Variants in ELP2 observed in about 807,000 individuals in gnomAD.
The protein encoded by ELP2 is elongator acetyltransferase complex subunit 2.
ELP2 carries 90 observed loss-of-function variants against 119.2 expected under a neutral mutation model. The ratio of observed to expected loss-of-function variants is 0.75; its 90% CI spans 0.64 to 0.90. The LOEUF is 0.90. Among genes scored for constraint, ELP2 ranks in the 40% least tolerant of loss-of-function variants. The probability of loss-of-function intolerance (pLI) is 0.00; values close to 1 mark genes in which losing one functional copy is unlikely to be tolerated. For missense variants in ELP2, 921 were observed against 967.8 expected, an observed-to-expected ratio of 0.95 and a Z score of 0.64; for synonymous variants, 339 against 331.0, an observed-to-expected ratio of 1.02 and a Z score of -0.26.
chr18:36,144,702 T>C (rs982613140), intron 8 of ELP2, among the ~76,000 whole-genome samples: 9 of 152,232 alleles, frequency 5.9e-5, no homozygotes, highest in Non-Finnish European at 5.9e-5. Context: ...TTCCTTCATA[T>C]TTATTTATGA....
chr18:36,133,130 A>C, intron 1 of ELP2, 108 bp from the exon 2 acceptor site: 1 of 780,044 alleles, frequency 1.3e-6, no homozygotes, highest in Non-Finnish European at 2.2e-6. Flanking sequence ...TTTGATGTAA[A>C]CCTGATCTTT....
At chr18:36,170,741 A>G in intron 20 of ELP2, 1 of 421,664 alleles carries the variant, frequency 2.4e-6, no homozygotes. Flanking sequence ...CACCAAATCT[A>G]GGACTATAAT....
In ELP2 at chr18:36,146,037, T is replaced by A; in HGVS notation, c.982T>A (p.Trp328Arg). 4 of 1,613,912 alleles carry A rather than the reference T, an allele frequency of 2.5e-6. No homozygotes were observed. Among genetic ancestry groups the A allele is most frequent in the Non-Finnish European group, 3.4e-6 (4 of 1,179,812 alleles). ...LWAPDEESGV[W>R]LEQVRVGEVG... is the part of the protein sequence containing the mutation. ...GGCTCCAGATGAAGAGTCAGGAGTT[T>A]GGCTAGAACAGGTAAAAATGTTGGA... is the stretch of plus-strand genomic sequence containing the variant. The change falls in exon 10 of 22, where the codon TGG becomes AGG. Residue 328 changes from tryptophan to arginine, a missense_variant. Transcript: ENST00000358232.
rs1227561334 is a variant in ELP2, at chr18:36,160,989, TG to T, written c.1747del (p.Ala583ProfsTer28). 1 of 1,613,410 alleles carries T rather than the reference TG, an allele frequency of 6.2e-7. No individual in the cohort carries two copies. The highest frequency in any genetic ancestry group is 1.7e-5 in the Admixed American group (1 of 59,982). ...VTCNSSKTLL[A>X]SACKAAKKEH... ...CTTGTAACAGTTCAAAGACTCTGCT[TG>T]CCTCAGCTTGTAAGGTAGGGAAGTT... On this transcript the variant is annotated frameshift_variant, in exon 17 of 22. Transcript: ENST00000358232. LOFTEE classifies it high-confidence loss of function.
At chr18:36,152,213 C>G (rs1779436335) in intron 11 of ELP2, among the ~76,000 whole-genome samples, 1 of 150,170 alleles carries the variant, frequency 6.7e-6, no homozygotes, top group African/African-American at 2.4e-5. Flanking sequence ...AAAAAAACAA[C>G]AAAGATCTTT....
At chr18:36,140,963 G>A (rs1036230265) in intron 5 of ELP2, among the ~76,000 whole-genome samples, 174 bp from the exon 6 acceptor site, 22 of 152,200 alleles carry the variant, frequency 1.4e-4, no homozygotes, top group Admixed American at 9.2e-4. Context: ...GAACGTTTTA[G>A]AGTGTTCATT....
chr18:36,158,906 TA>T lies in ELP2; in HGVS notation c.1534+4del, dbSNP rs1258038378. On this transcript the variant is annotated splice_donor_region_variant and intron_variant, in intron 14 of 21. Transcript: ENST00000358232. ...TATCAAATAAAGCTGTCTTTCAGGGTAAGGCTTTTGTCTTCAAAATTATTAA... is the reference window on the plus strand; with the variant it reads ...TATCAAATAAAGCTGTCTTTCAGGGTAGGCTTTTGTCTTCAAAATTATTAA... The T allele has an allele frequency of 1.9e-6, 3 of 1,607,064 alleles. No homozygotes were observed. The highest frequency in any genetic ancestry group is 2.7e-5 in the African/African-American group (2 of 74,780).
intron 20 of ELP2, among the ~76,000 whole-genome samples, chr18:36,170,686 G>T (rs550987572): frequency 2.0e-5 from 3 of 152,308 alleles, no homozygotes; most frequent in Admixed American, 1.3e-4. Flanking sequence ...TAATGATTCA[G>T]AATGTAAAAT....
intron 12 of ELP2, 105 bp from the exon 13 acceptor site, chr18:36,156,361 C>T (rs927011303): frequency 1.8e-6 from 2 of 1,108,296 alleles, no homozygotes; most frequent in Non-Finnish European, 2.7e-6. Context: ...AATATTTGCC[C>T]CATGGTTATA....
At chr18:36,132,658 G>A (rs1425152750) in intron 1 of ELP2, among the ~76,000 whole-genome samples, 4 of 152,158 alleles carry the variant, frequency 2.6e-5, no homozygotes, top group Admixed American at 2.6e-4. Context: ...GGAGAACCTG[G>A]CAATAGGCCC....
chr18:36,176,299 G>A lies in ELP2; in HGVS notation c.*1658G>A, dbSNP rs1332326454. ...GTCAGCTGGGGGGTGGGGTGTGTGT[G>A]CGTGTATACCAAGGCAGTGAGCATC... On this transcript the variant is annotated 3_prime_UTR_variant, in exon 22 of 22. Transcript: ENST00000358232. The A allele has an allele frequency of 6.6e-6, 1 of 152,262 alleles. No individual in the cohort carries two copies. Among genetic ancestry groups the A allele is most frequent in the Non-Finnish European group, 1.5e-5 (1 of 68,084 alleles). The allele number at this position is 152,262 out of a possible 1,614,324, so 9.4% of individuals were successfully genotyped here. A position where few individuals can be genotyped will look rare whatever the true frequency, so the allele number is the denominator to read the frequency against.
Position 36,160,578 on chromosome 18 carries a change from G to GAA in ELP2, c.1689-341_1689-340dup, listed in dbSNP as rs34625725. On this transcript the variant is annotated intron_variant, in intron 16 of 21. Coordinates refer to ENST00000358232, the MANE Select transcript of ELP2 (RefSeq NM_018255.4). ...GGGTGACAGAATGAGACCTTGCCTT[G>GAA]AAAAAAAAAAAAAAGACTTAAGTTT... Among the ~76,000 whole-genome samples, 364 of 141,780 alleles carry GAA rather than the reference G, an allele frequency of 2.6e-3. 1 individual carries two copies. The highest frequency in any genetic ancestry group is 7.0e-3 in the African/African-American group (270 of 38,356). The allele number at this position is 141,780 out of a possible 152,430, so 93.0% of individuals were successfully genotyped here. A position where few individuals can be genotyped will look rare whatever the true frequency, so the allele number is the denominator to read the frequency against.
chr18:36,155,803 G>C (rs1237895216), intron 12 of ELP2, among the ~76,000 whole-genome samples: 1 of 152,194 alleles, frequency 6.6e-6, no homozygotes, highest in South Asian at 2.1e-4. Flanking sequence ...ATTATCAAGT[G>C]TACAATAAAA....
In ELP2 at chr18:36,170,150, G is replaced by A. The variant is rs773442118; in HGVS notation, c.2164G>A (p.Ala722Thr). The A allele has an allele frequency of 6.2e-7, 1 of 1,614,070 alleles. No individual in the cohort carries two copies. The highest frequency in any genetic ancestry group is 8.5e-7 in the Non-Finnish European group (1 of 1,179,994). Reference protein sequence around the residue: ...PCSSVLDVGGAVTAVSVCPVL... With the variant: ...PCSSVLDVGGTVTAVSVCPVL... The stretch of plus-strand genomic sequence containing the variant: ...CTCCTCAGTCCTGGACGTGGGTGGG[G>A]CTGTGACAGCTGTCAGCGTCTGCCC... The change falls in exon 20 of 22, where the codon GCT (alanine) becomes ACT (threonine). Residue 722 changes from alanine (A) to threonine (T), a missense_variant. By Grantham distance (58) the Ala-to-Thr change is moderately conservative. Coordinates refer to ENST00000358232, the MANE Select transcript of ELP2 (RefSeq NM_018255.4).
chr18:36,148,347 C>T (rs551539498), intron 11 of ELP2, among the ~76,000 whole-genome samples: 27 of 152,252 alleles, frequency 1.8e-4, no homozygotes, highest in African/African-American at 6.3e-4. Context: ...GCTGAGATTA[C>T]AGGTGTGACC....
intron 1 of ELP2, 101 bp from the exon 2 acceptor site, chr18:36,133,137 C>G (rs2089692554): frequency 1.2e-6 from 1 of 820,174 alleles, no homozygotes; most frequent in Admixed American, 2.0e-5. Context: ...TAAACCTGAT[C>G]TTTTTACTAG....
intron 11 of ELP2, among the ~76,000 whole-genome samples, chr18:36,152,468 C>T (rs986684976): frequency 3.9e-5 from 6 of 152,154 alleles, no homozygotes; most frequent in African/African-American, 1.4e-4. Flanking sequence ...CCCCCTTAAC[C>T]ATAGCATTTA....
At position 36,138,438 on chromosome 18, in the gene ELP2, G is replaced by A; in HGVS notation, c.445+12G>A. The stretch of plus-strand genomic sequence containing the variant: ...AAAGGGTCCAGAAGGTAGGTTTGGA[G>A]ACATGATAATCCAGACAAATGAAAT... On this transcript the variant is annotated intron_variant, in intron 4 of 21. Transcript: ENST00000358232. 1.2e-6 allele frequency: 2 copies of A among 1,613,548 alleles called. No homozygotes were observed. The highest frequency in any genetic ancestry group is 1.7e-6 in the Non-Finnish European group (2 of 1,179,608).
At position 36,180,038 on chromosome 18, in the gene ELP2, T is replaced by C. The variant is rs1174809885; in HGVS notation, c.*5397T>C. 6.6e-6 allele frequency: 1 copy of C among 152,242 alleles called. No individual in the cohort carries two copies. The highest frequency in any genetic ancestry group is 1.5e-5 in the Non-Finnish European group (1 of 68,052). 9.4% of individuals were successfully genotyped at this position (152,242 alleles called of 1,614,324 possible). ...GCAAGTTAAAAGTTTATTTCTCTCA[T>C]ATGAAAGGAGTCAAGGCAGACAGAC... On this transcript the variant is annotated 3_prime_UTR_variant, in exon 22 of 22. Coordinates refer to ENST00000358232, the MANE Select transcript of ELP2 (RefSeq NM_018255.4).
Sources: gnomAD v4.1 joint callset for allele counts (sites outside exome capture counted in the v4.1 genomes callset) on GRCh38, gnomAD v4.1.1 for gene constraint, MANE v1.5 for transcripts, NCBI Gene and HGNC (gene_info 2026-07-23, HGNC 2026-07-21) for gene names.